RAD52: variants seen among roughly 807,000 people sequenced by gnomAD.
The protein encoded by RAD52 is RAD52 DNA repair protein.
A neutral mutation model predicts 55.5 loss-of-function variants in RAD52; 47 were observed. The observed-to-expected ratio is 0.85, with a 90% CI of 0.67 to 1.08. The LOEUF is 1.08. Among genes scored for constraint, RAD52 ranks in the 50% least tolerant of loss-of-function variants. RAD52 has a pLI of 0.00. For synonymous variants in RAD52, 184 were observed against 198.9 expected (o/e 0.92, Z 0.63); for missense variants, 468 against 522.8 (o/e 0.90, Z 1.02).
intron 1 of RAD52, among the ~76,000 whole-genome samples, chr12:972,959 G>A (rs544238113): frequency 2.4e-4 from 37 of 152,048 alleles, no homozygotes; most frequent in Admixed American, 7.2e-4. Flanking sequence ...ATTTTACTCC[G>A]AGTGAGACTG....
chr12:981,196 G>C (rs758502764), intron 1 of RAD52, among the ~76,000 whole-genome samples: 1 of 151,882 alleles, frequency 6.6e-6, no homozygotes, highest in Non-Finnish European at 1.5e-5. Flanking sequence ...AGCCAGATGT[G>C]GGGGCAAGTG....
intron 1 of RAD52, among the ~76,000 whole-genome samples, chr12:971,896 C>T (rs1958862362): frequency 6.6e-6 from 1 of 152,126 alleles, no homozygotes; most frequent in Non-Finnish European, 1.5e-5. Context: ...CTACAGGCAC[C>T]CGCTGCCTTG....
chr12:916,583 C>T (rs2154108739), intron 8 of RAD52, 56 bp downstream of exon 8: 1 of 1,596,004 alleles, frequency 6.3e-7, no homozygotes, highest in Non-Finnish European at 8.6e-7. Context: ...TGAGTGGAGG[C>T]AGCCCCGTGA....
chr12:929,641 T>C (rs1475252504), intron 5 of RAD52, 178 bp downstream of exon 5: 4 of 785,364 alleles, frequency 5.1e-6, no homozygotes, highest in Middle Eastern at 2.2e-4. Context: ...GAACAGTTTT[T>C]CCATTCTTTT....
Position 957,603 on chromosome 12 carries a change from T to C in RAD52, c.-18-24527A>G, listed in dbSNP as rs139734743. ...GAGTTCGAGATCATCCTGGGCAACA[T>C]AGTGAGAACCCATCTCTGCTAAAAA... On this transcript the variant is annotated intron_variant, in intron 1 of 11. Transcript: ENST00000430095. Among the ~76,000 whole-genome samples, 115 of 150,534 alleles carry C rather than the reference T, an allele frequency of 7.6e-4. 1 individual carries two copies. Among genetic ancestry groups the C allele is most frequent in the Middle Eastern group, 6.9e-3 (2 of 290 alleles).
At chr12:961,659 G>A (rs969068933) in intron 1 of RAD52, among the ~76,000 whole-genome samples, 15 of 151,924 alleles carry the variant, frequency 9.9e-5, no homozygotes, top group African/African-American at 3.6e-4. Flanking sequence ...CCAGGAGTTC[G>A]AGACCAGCAT....
chr12:990,192 T>C (rs1477996886), upstream of RAD52: 1 of 151,622 alleles, frequency 6.6e-6, no homozygotes, highest in Non-Finnish European at 1.5e-5. Flanking sequence ...TAAGCAGGAG[T>C]AAAATGATGG....
At chr12:969,736 G>A (rs1958815480) in intron 1 of RAD52, among the ~76,000 whole-genome samples, 1 of 151,614 alleles carries the variant, frequency 6.6e-6, no homozygotes, top group Admixed American at 6.6e-5. Context: ...GCTACAGTGA[G>A]CTATGATCAC....
Position 927,277 on chromosome 12 carries a change from AG to A in RAD52, c.349-15del. ...ATATGAACCATCCTGGGGGCAGAAA[AG>A]GAGTTTGAACTCAAACACGAGAGCG... On this transcript the variant is annotated splice_polypyrimidine_tract_variant and intron_variant, in intron 5 of 11. Coordinates refer to ENST00000358495, the MANE Select transcript of RAD52 (RefSeq NM_134424.4). The A allele has an allele frequency of 6.3e-7, 1 of 1,594,750 alleles. No individual in the cohort carries two copies. Among genetic ancestry groups the A allele is most frequent in the South Asian group, 1.1e-5 (1 of 90,658 alleles).
At chr12:938,613 G>A (rs1040799908) in intron 1 of RAD52, among the ~76,000 whole-genome samples, 3 of 152,150 alleles carry the variant, frequency 2.0e-5, no homozygotes, top group African/African-American at 7.2e-5. Context: ...GAACCCAGCG[G>A]GTGGAGGTTG....
intron 7 of RAD52, among the ~76,000 whole-genome samples, chr12:923,242 A>G (rs544657211): frequency 2.0e-5 from 3 of 152,080 alleles, no homozygotes; most frequent in African/African-American, 7.2e-5. Context: ...AGCCCCCAAA[A>G]AAAGTTAATT....
At chr12:925,239 G>A (rs1956968504) in intron 7 of RAD52, among the ~76,000 whole-genome samples, 1 of 152,064 alleles carries the variant, frequency 6.6e-6, no homozygotes, top group Non-Finnish European at 1.5e-5. Context: ...CGTGAGCCAC[G>A]GTCCCCGGCC....
At chr12:984,990 TA>T (rs988599483) in intron 1 of RAD52, among the ~76,000 whole-genome samples, 2 of 149,960 alleles carry the variant, frequency 1.3e-5, no homozygotes, top group Non-Finnish European at 3.0e-5. Flanking sequence ...TTTGTATTTT[TA>T]GTACAGACAG....
intron 5 of RAD52, among the ~76,000 whole-genome samples, chr12:928,928 A>C (rs1465131082): frequency 2.0e-5 from 3 of 152,176 alleles, no homozygotes; most frequent in Non-Finnish European, 4.4e-5. Flanking sequence ...TCAGTGGCGC[A>C]ATCACAGCTC....
chr12:971,986 G>C (rs1958864914), intron 1 of RAD52, among the ~76,000 whole-genome samples: 1 of 152,108 alleles, frequency 6.6e-6, no homozygotes, highest in South Asian at 2.1e-4. Context: ...CTGACCTCGT[G>C]ATCCGCCCGC....
intron 1 of RAD52, among the ~76,000 whole-genome samples, chr12:938,974 GATGT>G (rs1214251565): frequency 1.3e-5 from 2 of 151,190 alleles, no homozygotes; most frequent in Non-Finnish European, 2.9e-5. Flanking sequence ...CCTATCACTA[GATGT>G]ATGATTTTGT....
chr12:952,709 C>T (rs932785673), upstream of RAD52, among the ~76,000 whole-genome samples: 23 of 150,376 alleles, frequency 1.5e-4, no homozygotes, highest in Middle Eastern at 3.5e-3. Context: ...CTGGCCAACA[C>T]GGTAAAACCC....
rs181946866 is a variant in RAD52, at chr12:965,893, C to T, written c.-19+23916G>A. Among the ~76,000 whole-genome samples the T allele has an allele frequency of 3.5e-4, 53 of 152,076 alleles. 1 individual carries two copies. In the Middle Eastern group the frequency reaches 0.01, roughly 29 times the overall value. ...GTAGAGACAGGGTTTCGCCTGTTGG[C>T]CAGGCTGATCTCGAACTGCTGACCT... is the stretch of plus-strand genomic sequence containing the variant. On this transcript the variant is annotated intron_variant, in intron 1 of 11. Transcript: ENST00000430095.
At chr12:990,568 G>T (rs1959171722), upstream of RAD52, 1 of 152,300 alleles carries the variant, frequency 6.6e-6, no homozygotes, top group African/African-American at 2.4e-5. Flanking sequence ...GATCACCACA[G>T]ACACGACGTC....
Sources: gnomAD v4.1 joint callset for allele counts (sites outside exome capture counted in the v4.1 genomes callset) on GRCh38, gnomAD v4.1.1 for gene constraint, MANE v1.5 for transcripts, NCBI Gene and HGNC (gene_info 2026-07-23, HGNC 2026-07-21) for gene names.